HSD17B12: variants seen among roughly 807,000 people sequenced by gnomAD.
The protein encoded by HSD17B12 is very-long-chain 3-oxoacyl-CoA reductase.
In HSD17B12, 32 loss-of-function variants were observed where a neutral mutation model predicts 39.3. The ratio of observed to expected loss-of-function variants is 0.81; its 90% CI spans 0.61 to 1.09. The LOEUF (loss-of-function observed/expected upper bound fraction) is 1.09, where lower values mean the gene tolerates loss of function less well. Among genes scored for constraint, HSD17B12 ranks in the 50% least tolerant of loss-of-function variants. The probability of loss-of-function intolerance (pLI) is 0.00; values close to 1 mark genes in which losing one functional copy is unlikely to be tolerated. For synonymous variants in HSD17B12, 150 were observed against 146.7 expected (o/e 1.02, Z -0.16); for missense variants, 342 against 382.9 (o/e 0.89, Z 0.89).
chr11:43,818,272 A>T (rs1225845553), intron 6 of HSD17B12, among the ~76,000 whole-genome samples: 1 of 152,138 alleles, frequency 6.6e-6, no homozygotes, highest in Non-Finnish European at 1.5e-5. Flanking sequence ...AATGGGTGTG[A>T]TTTTTAATAG....
At chr11:43,658,889 G>T in the HSD17B12 span, among the ~76,000 whole-genome samples, 1 of 152,186 alleles carries the variant, frequency 6.6e-6, no homozygotes, top group Non-Finnish European at 1.5e-5. Flanking sequence ...CTCAAGCTGC[G>T]TGCTGGGAGA....
At chr11:43,762,406 G>C (rs1014214933) in intron 3 of HSD17B12, among the ~76,000 whole-genome samples, 8 of 152,214 alleles carry the variant, frequency 5.3e-5, no homozygotes, top group Admixed American at 4.6e-4. Flanking sequence ...CACTGAGAAT[G>C]AGTTGATTCT....
At chr11:43,758,065 G>T (rs1331445336) in intron 3 of HSD17B12, among the ~76,000 whole-genome samples, 2 of 152,154 alleles carry the variant, frequency 1.3e-5, no homozygotes, top group Non-Finnish European at 2.9e-5. Context: ...TTAAACTGTA[G>T]CCTATTATGG....
At chr11:43,640,450 G>C in the HSD17B12 span, among the ~76,000 whole-genome samples, 2 of 152,114 alleles carry the variant, frequency 1.3e-5, no homozygotes, top group Non-Finnish European at 2.9e-5. Context: ...CCTAAATTGA[G>C]TATTCAGCAT....
At chr11:43,642,997 A>C in the HSD17B12 span, among the ~76,000 whole-genome samples, 2 of 152,012 alleles carry the variant, frequency 1.3e-5, no homozygotes, top group Non-Finnish European at 2.9e-5. Context: ...AGGTTTTTGC[A>C]TGTGTATTAG....
At position 43,722,754 on chromosome 11, in the gene HSD17B12, C is replaced by T. The variant is rs188917639; in HGVS notation, c.161-28157C>T. On this transcript the variant is annotated intron_variant, in intron 1 of 10. Coordinates refer to ENST00000278353, the MANE Select transcript of HSD17B12 (RefSeq NM_016142.3). The stretch of plus-strand genomic sequence containing the variant: ...ATCCCAGCTACTTGGGAGGCTGAGG[C>T]AGGAGAATTGCTTGAACCCGGGAGG... Among the ~76,000 whole-genome samples, 279 of 152,076 alleles carry T rather than the reference C, an allele frequency of 1.8e-3. 2 individuals carry two copies. Among genetic ancestry groups the T allele is most frequent in the African/African-American group, 6.4e-3 (266 of 41,450 alleles).
At chr11:43,591,458 C>T in the HSD17B12 span, among the ~76,000 whole-genome samples, 1 of 152,106 alleles carries the variant, frequency 6.6e-6, no homozygotes, top group Non-Finnish European at 1.5e-5. Context: ...ATCATGAAAA[C>T]AGTGGCTATC....
At chr11:43,583,452 A>G in the HSD17B12 span, among the ~76,000 whole-genome samples, 1 of 152,144 alleles carries the variant, frequency 6.6e-6, no homozygotes, top group Non-Finnish European at 1.5e-5. Context: ...GAGGCTGCTC[A>G]CTTTTGATCG....
At chr11:43,681,017 T>A in intron 1 of HSD17B12, 30 bp downstream of exon 1, 1 of 1,556,946 alleles carries the variant, frequency 6.4e-7, no homozygotes, top group South Asian at 1.2e-5. Context: ...GCGTCCTCGC[T>A]CCCGCGGCGG....
At chr11:43,814,257 G>T (rs575268019) in intron 4 of HSD17B12, among the ~76,000 whole-genome samples, 1 of 151,906 alleles carries the variant, frequency 6.6e-6, no homozygotes, top group East Asian at 1.9e-4. Context: ...AATTTCACGA[G>T]TTTGAATCCC....
chr11:43,793,104 C>T (rs574541817), intron 3 of HSD17B12, among the ~76,000 whole-genome samples: 1 of 152,116 alleles, frequency 6.6e-6, no homozygotes, highest in East Asian at 1.9e-4. Context: ...TTAAGTGCCT[C>T]GTAGGGTTAT....
the HSD17B12 span, among the ~76,000 whole-genome samples, chr11:43,585,051 C>T: frequency 6.6e-6 from 1 of 152,190 alleles, no homozygotes; most frequent in African/African-American, 2.4e-5. Context: ...CTCTCAGGGG[C>T]CCAAGGGATG....
chr11:43,640,151 G>A, the HSD17B12 span, among the ~76,000 whole-genome samples: 1 of 152,080 alleles, frequency 6.6e-6, no homozygotes, highest in African/African-American at 2.4e-5. Flanking sequence ...GGGAATGGTG[G>A]ATTCATAGAA....
chr11:43,706,221 G>A lies in HSD17B12; in HGVS notation c.160+25234G>A, dbSNP rs376892303. 3.9e-5 allele frequency among the ~76,000 whole-genome samples: 6 copies of A among 152,162 alleles called. No individual in the cohort carries two copies. The South Asian group carries it at 6.2e-4, about 16-fold the overall frequency. ...TCTTTAATAGCAGTAATATAAGGCC[G>A]AAGTCTAAAAGGACTCTAGGATAAT... On this transcript the variant is annotated intron_variant, in intron 1 of 10. Transcript: ENST00000278353.
At chr11:43,633,943 G>A in the HSD17B12 span, among the ~76,000 whole-genome samples, 522 of 151,220 alleles carry the variant, frequency 3.5e-3, 3 homozygotes, top group East Asian at 0.03. Context: ...GCATGGTGGC[G>A]CATGCCTGTA....
upstream of HSD17B12, among the ~76,000 whole-genome samples, chr11:43,675,683 GGCTATT>G (rs1160383704): frequency 6.6e-6 from 1 of 152,100 alleles, no homozygotes; most frequent in Non-Finnish European, 1.5e-5. Flanking sequence ...CCAGTTAGGA[GGCTATT>G]GCCATATTCC....
At chr11:43,805,540 C>T (rs567177822) in intron 4 of HSD17B12, among the ~76,000 whole-genome samples, 7 of 152,216 alleles carry the variant, frequency 4.6e-5, no homozygotes, top group African/African-American at 1.7e-4. Flanking sequence ...TCCCCTACTC[C>T]CGCTTTTTCT....
At chr11:43,566,415 C>T in the HSD17B12 span, among the ~76,000 whole-genome samples, 1 of 152,182 alleles carries the variant, frequency 6.6e-6, no homozygotes, top group Non-Finnish European at 1.5e-5. Context: ...TAACAAGAAG[C>T]CAGGCCACTG....
chr11:43,767,091 C>T (rs1212092916), intron 3 of HSD17B12, among the ~76,000 whole-genome samples: 4 of 152,076 alleles, frequency 2.6e-5, no homozygotes, highest in Non-Finnish European at 4.4e-5. Context: ...TGTACTCCAC[C>T]GTGGCCAGAC....
Sources: gnomAD v4.1 joint callset for allele counts (sites outside exome capture counted in the v4.1 genomes callset) on GRCh38, gnomAD v4.1.1 for gene constraint, MANE v1.5 for transcripts, NCBI Gene and HGNC (gene_info 2026-07-23, HGNC 2026-07-21) for gene names.